The following PEAK1 variants were observed in gnomAD, a reference collection of about 807,000 sequenced individuals.
PEAK1 encodes inactive tyrosine-protein kinase PEAK1.
In PEAK1, 54 loss-of-function variants were observed where a neutral mutation model predicts 124.7. The ratio of observed to expected loss-of-function variants is 0.43; its 90% CI spans 0.35 to 0.54. The LOEUF (loss-of-function observed/expected upper bound fraction) is 0.54. PEAK1 is among the 20% of genes least tolerant of loss of function. The pLI is 0.01. For missense variants in PEAK1, 2,046 were observed against 2,134.5 expected (o/e 0.96, Z 0.82); for synonymous variants, 719 against 760.0 (o/e 0.95, Z 0.89).
rs1304808198 is a variant in PEAK1 at position 77,305,794 on chromosome 15, T to C, written c.-602-19290A>G. Among the ~76,000 whole-genome samples the C allele has an allele frequency of 2.0e-5, 3 of 152,240 alleles. No individual in the cohort carries two copies. The South Asian group carries it at 6.2e-4, about 31-fold the overall frequency. On this transcript the variant is annotated intron_variant, in intron 2 of 9. Coordinates refer to ENST00000682557, the MANE Select transcript of PEAK1 (RefSeq NM_001385026.1). ...TATAACCTGTGCACATCTTCCCGCA[T>C]ACTTTAAATCATCTCTGGATTACTT...
chr15:77,280,906 C>A (rs1411640839), intron 5 of PEAK1, among the ~76,000 whole-genome samples: 2 of 152,088 alleles, frequency 1.3e-5, no homozygotes, highest in Non-Finnish European at 2.9e-5. Flanking sequence ...CATCTGTAAT[C>A]CCAGCACTTT....
intron 6 of PEAK1, among the ~76,000 whole-genome samples, chr15:77,236,861 T>C (rs2060148369): frequency 1.3e-5 from 2 of 152,252 alleles, no homozygotes; most frequent in South Asian, 4.1e-4. Flanking sequence ...TGAGATCTGA[T>C]GGTTTTATAA....
At chr15:77,228,731 T>C (rs907259106) in intron 6 of PEAK1, among the ~76,000 whole-genome samples, 27 of 152,176 alleles carry the variant, frequency 1.8e-4, no homozygotes, top group Admixed American at 6.6e-4. Flanking sequence ...ACTACTTTGG[T>C]ATGAAGACAA....
intron 6 of PEAK1, among the ~76,000 whole-genome samples, chr15:77,251,101 A>C (rs948211590): frequency 3.3e-5 from 5 of 152,214 alleles, no homozygotes; most frequent in African/African-American, 4.8e-5. Flanking sequence ...ATAGTGACTC[A>C]AGCAAATGAT....
chr15:77,147,113 C>T (rs908344215), intron 8 of PEAK1, among the ~76,000 whole-genome samples: 1 of 152,166 alleles, frequency 6.6e-6, no homozygotes, highest in African/African-American at 2.4e-5. Flanking sequence ...GCATGGTTTA[C>T]ATAACTCCTT....
intron 1 of PEAK1, chr15:77,402,168 GAAAA>G (rs34571341): frequency 3.5e-6 from 3 of 865,500 alleles, no homozygotes; most frequent in African/African-American, 2.0e-5. Context: ...CTCCACCTCG[GAAAA>G]AAAAAAAAAA....
intron 1 of PEAK1, among the ~76,000 whole-genome samples, chr15:77,399,290 C>T (rs535956511): frequency 6.6e-6 from 1 of 152,112 alleles, no homozygotes; most frequent in East Asian, 1.9e-4. Flanking sequence ...ATACCAATGA[C>T]ATTCTTCATA....
intron 2 of PEAK1, among the ~76,000 whole-genome samples, chr15:77,312,019 C>T (rs2064499783): frequency 6.6e-6 from 1 of 151,950 alleles, no homozygotes; most frequent in Admixed American, 6.6e-5. Context: ...TTGTATGAAT[C>T]ATGTGAGAGA....
intron 6 of PEAK1, among the ~76,000 whole-genome samples, chr15:77,234,729 G>C (rs1421406040): frequency 6.6e-6 from 1 of 151,728 alleles, no homozygotes; most frequent in Non-Finnish European, 1.5e-5. Context: ...TTGAATTCCT[G>C]GGCTCAAGAG....
At chr15:77,371,359 A>G in intron 1 of PEAK1, 1 of 920,976 alleles carries the variant, frequency 1.1e-6, no homozygotes, top group Non-Finnish European at 1.3e-6. Flanking sequence ...GAAAGTAGAG[A>G]GAAGATAAGG....
At chr15:77,383,152 T>C (rs1347793903) in intron 1 of PEAK1, among the ~76,000 whole-genome samples, 1 of 151,396 alleles carries the variant, frequency 6.6e-6, no homozygotes, top group South Asian at 2.1e-4. Flanking sequence ...GCCTCCCGAG[T>C]AGCTGGGATT....
chr15:77,292,011 GT>G (rs2063242825), intron 2 of PEAK1, among the ~76,000 whole-genome samples: 1 of 151,006 alleles, frequency 6.6e-6, no homozygotes, highest in East Asian at 2.0e-4. Context: ...TATATTTCTT[GT>G]GATCACAATT....
At chr15:77,312,002 T>G (rs543947229) in intron 2 of PEAK1, among the ~76,000 whole-genome samples, 2 of 152,070 alleles carry the variant, frequency 1.3e-5, no homozygotes, top group African/African-American at 4.8e-5. Context: ...ATACTAGGTA[T>G]GAAGAGTTGT....
chr15:77,214,986 C>T (rs184019192), intron 6 of PEAK1, among the ~76,000 whole-genome samples: 11 of 152,294 alleles, frequency 7.2e-5, no homozygotes, highest in African/African-American at 2.6e-4. Flanking sequence ...ATTGCTAGGT[C>T]AAATGGTGAG....
At chr15:77,131,375 C>A (rs1186520306) in intron 9 of PEAK1, among the ~76,000 whole-genome samples, 1 of 152,200 alleles carries the variant, frequency 6.6e-6, no homozygotes, top group Non-Finnish European at 1.5e-5. Context: ...CACCTATAGT[C>A]CCAGCTACAA....
chr15:77,233,759 A>T (rs899703590), intron 6 of PEAK1, among the ~76,000 whole-genome samples: 1 of 152,198 alleles, frequency 6.6e-6, no homozygotes, highest in Non-Finnish European at 1.5e-5. Flanking sequence ...GTTCCTTCTT[A>T]TAATTATTAA....
Position 77,178,892 on chromosome 15 carries a change from G to A in PEAK1, c.3035C>T (p.Ala1012Val), listed in dbSNP as rs957497552. ...VDQSKARTDQAAVMEKGRAEN... is the reference protein window; with the variant it reads ...VDQSKARTDQVAVMEKGRAEN... ...TGCTCTACCCTTCTCCATGACTGCT[G>A]CCTGGTCTGTCCTAGCCTTGCTCTG... is the stretch of plus-strand genomic sequence containing the variant. The change falls in exon 7 of 10, where the codon GCA (alanine) becomes GTA (valine). Residue 1012 changes from alanine (A) to valine (V), a missense_variant. Ala to Val is a moderately conservative substitution (Grantham distance 64, BLOSUM62 0). Transcript: ENST00000682557. 1 of 1,614,056 alleles carries A rather than the reference G, an allele frequency of 6.2e-7. No homozygotes were observed. Among genetic ancestry groups the A allele is most frequent in the Non-Finnish European group, 8.5e-7 (1 of 1,180,004 alleles).
At chr15:77,268,703 C>T (rs928701732) in intron 5 of PEAK1, among the ~76,000 whole-genome samples, 1 of 152,066 alleles carries the variant, frequency 6.6e-6, no homozygotes, top group Non-Finnish European at 1.5e-5. Flanking sequence ...ACCACCTAGG[C>T]ACATAGTCAT....
intron 6 of PEAK1, among the ~76,000 whole-genome samples, chr15:77,223,994 G>A (rs1193329821): frequency 6.7e-6 from 1 of 148,380 alleles, no homozygotes; most frequent in Non-Finnish European, 1.5e-5. Context: ...CTGTCCCTTT[G>A]GTTATATTTT....
Sources: allele counts gnomAD v4.1 joint callset (sites outside exome capture counted in the v4.1 genomes callset), GRCh38; gene constraint gnomAD v4.1.1; transcripts MANE v1.5; gene names NCBI Gene and HGNC (gene_info 2026-07-23, HGNC 2026-07-21).